AKR1B1: variants seen among roughly 807,000 people sequenced by gnomAD.
AKR1B1 encodes aldo-keto reductase family 1 member B, also known as aldo-keto reductase family 1 member B1.
AKR1B1 carries 22 observed loss-of-function variants against 40.4 expected under a neutral mutation model. The ratio of observed to expected loss-of-function variants is 0.54; its 90% confidence interval spans 0.39 to 0.78. The LOEUF (loss-of-function observed/expected upper bound fraction) is 0.78. Ranked by LOEUF, AKR1B1 falls within the 30% of genes least tolerant of loss-of-function variation. AKR1B1 has a pLI of 0.00. For missense variants in AKR1B1, 357 were observed against 396.7 expected (o/e 0.90, Z 0.85); for synonymous variants, 157 against 149.9 (o/e 1.05, Z -0.35).
At chr7:134,449,377 G>C (rs892333651) in intron 4 of AKR1B1, 8 of 572,374 alleles carry the variant, frequency 1.4e-5, no homozygotes, top group South Asian at 2.0e-5. Flanking sequence ...ACGAGGTCAG[G>C]AGATCAAGAC....
intron 6 of AKR1B1, 118 bp from the exon 7 acceptor site, chr7:134,448,179 A>T (rs1178628255): frequency 8.3e-6 from 8 of 967,820 alleles, no homozygotes; most frequent in Non-Finnish European, 1.1e-5. Context: ...TCCTCCTCAG[A>T]GCTGGGTTAA....
In AKR1B1 at chr7:134,459,052, C is replaced by T; in HGVS notation, c.11G>A (p.Arg4His). The T allele has an allele frequency of 6.2e-7, 1 of 1,605,984 alleles. No homozygotes were observed. The highest frequency in any genetic ancestry group is 8.5e-7 in the Non-Finnish European group (1 of 1,176,904). Residue 4 changes from arginine to histidine, a missense_variant, in exon 1 of 10, where the codon CGT becomes CAT. Physicochemically the swap from Arg to His is conservative, Grantham distance 29. Coordinates refer to ENST00000285930, the MANE Select transcript of AKR1B1 (RefSeq NM_001628.4). ...CTTGGCGCCGTTGTTGAGCAGGAGA[C>T]GGCTTGCCATGGCTGCTGCGCTCCC... MAS[R>H]LLLNNGAKMP...
chr7:134,450,738 G>A, intron 3 of AKR1B1, 48 bp downstream of exon 3: 1 of 1,444,244 alleles, frequency 6.9e-7, no homozygotes, highest in Non-Finnish European at 9.7e-7. Context: ...CACACCACAG[G>A]TTGCACCTGA....
chr7:134,445,008 C>G, intron 9 of AKR1B1: 1 of 614,804 alleles, frequency 1.6e-6, no homozygotes, highest in Non-Finnish European at 2.9e-6. Flanking sequence ...TCAGGCCAGG[C>G]CAACAATGCC....
At chr7:134,445,018 C>T (rs2117446477) in intron 9 of AKR1B1, 2 of 630,552 alleles carry the variant, frequency 3.2e-6, no homozygotes, top group Non-Finnish European at 2.9e-6. Flanking sequence ...CCAACAATGC[C>T]CCAGGGCTGG....
At chr7:134,448,569 C>G in intron 5 of AKR1B1, 76 bp from the exon 6 acceptor site, 3 of 1,109,828 alleles carry the variant, frequency 2.7e-6, no homozygotes, top group South Asian at 2.5e-5. Context: ...GCTTCCTATG[C>G]TAAAGTCCCT....
At chr7:134,444,632 C>T (rs112570377) in intron 9 of AKR1B1, 2,158 of 159,808 alleles carry the variant, frequency 0.014, 60 homozygotes, top group African/African-American at 0.049. Context: ...GAGTTACATG[C>T]GTCACCTAGT....
intron 9 of AKR1B1, among the ~76,000 whole-genome samples, chr7:134,443,423 AG>A (rs1805998898): frequency 6.6e-6 from 1 of 151,878 alleles, no homozygotes; most frequent in Non-Finnish European, 1.5e-5. Flanking sequence ...AAAAAAAAAA[AG>A]GGATGTTAAA....
Position 134,450,845 on chromosome 7 carries a change from T to C in AKR1B1, c.292A>G (p.Ser98Gly), listed in dbSNP as rs143736441. Residue 98 changes from serine (S) to glycine (G), a missense_variant, in exon 3 of 10, where the codon AGC (serine) becomes GGC (glycine). Coordinates refer to ENST00000285930, the MANE Select transcript of AKR1B1 (RefSeq NM_001628.4). ...LVKGACQKTL[S>G]DLKLDYLDLY... is the part of the protein sequence containing the mutation. ...TCCAGGTAGTCCAGCTTCAGGTCGC[T>C]GAGTGTCTTCTGGCAGGCTCCTTTC... 1.2e-6 allele frequency: 2 copies of C among 1,614,186 alleles called. No homozygotes were observed. Among genetic ancestry groups the C allele is most frequent in the African/African-American group, 2.7e-5 (2 of 75,056 alleles).
At chr7:134,455,942 A>G (rs1806456516) in intron 1 of AKR1B1, among the ~76,000 whole-genome samples, 1 of 152,196 alleles carries the variant, frequency 6.6e-6, no homozygotes, top group Admixed American at 6.5e-5. Flanking sequence ...TGGGGCAGAG[A>G]TGGTCTCCCC....
At chr7:134,451,084 G>A in intron 2 of AKR1B1, 182 bp from the exon 3 acceptor site, 1 of 679,228 alleles carries the variant, frequency 1.5e-6, no homozygotes, top group Non-Finnish European at 2.7e-6. Context: ...GGATGACCAG[G>A]TCACAGAGAC....
intron 9 of AKR1B1, chr7:134,444,765 G>A: frequency 4.5e-6 from 1 of 223,116 alleles, no homozygotes. Flanking sequence ...GGTGCCTGCT[G>A]CTCAGAGGGA....
chr7:134,445,711 C>T (rs564568090), intron 8 of AKR1B1, among the ~76,000 whole-genome samples: 17 of 152,314 alleles, frequency 1.1e-4, no homozygotes, highest in Admixed American at 1.0e-3. Context: ...TAATCACACA[C>T]TGTATAAGAC....
chr7:134,442,688 C>T lies in AKR1B1; in HGVS notation c.*40G>A. The T allele has an allele frequency of 1.2e-6, 2 of 1,607,156 alleles. No individual in the cohort carries two copies. Among genetic ancestry groups the T allele is most frequent in the Middle Eastern group, 1.7e-4 (1 of 6,044 alleles). On this transcript the variant is annotated 3_prime_UTR_variant, in exon 10 of 10. Coordinates refer to ENST00000285930, the MANE Select transcript of AKR1B1 (RefSeq NM_001628.4). Reference sequence around the variant, plus strand: ...AAGGAAAAAAATGAGGCAAGAAACACAGGTATAGGTCACTTGGGGACGAGC... The same window carrying T: ...AAGGAAAAAAATGAGGCAAGAAACATAGGTATAGGTCACTTGGGGACGAGC...
intron 1 of AKR1B1, among the ~76,000 whole-genome samples, chr7:134,458,397 C>A (rs761606140): frequency 6.6e-6 from 1 of 152,138 alleles, no homozygotes; most frequent in African/African-American, 2.4e-5. Context: ...CTCCGCACTG[C>A]GCCTTGTTAA....
At chr7:134,456,022 C>T (rs937163391) in intron 1 of AKR1B1, among the ~76,000 whole-genome samples, 1 of 152,156 alleles carries the variant, frequency 6.6e-6, no homozygotes, top group Admixed American at 6.5e-5. Context: ...ACTACCAGAG[C>T]CCTGCTGAGG....
Position 134,451,754 on chromosome 7 carries a change from C to G in AKR1B1, c.67-1G>C, listed in dbSNP as rs761314045. 6.2e-7 allele frequency: 1 copy of G among 1,614,012 alleles called. No homozygotes were observed. Among genetic ancestry groups the G allele is most frequent in the South Asian group, 1.1e-5 (1 of 91,056 alleles). On this transcript the variant is annotated splice_acceptor_variant, in intron 1 of 9. Coordinates refer to ENST00000285930, the MANE Select transcript of AKR1B1 (RefSeq NM_001628.4). LOFTEE classifies it high-confidence loss of function. ...CCTCAGTCACCTGCCCTGGAGGGGA[C>G]TGAAAGGAGAAAGAACGTGAGCCCC...
intron 1 of AKR1B1, among the ~76,000 whole-genome samples, chr7:134,453,402 G>A (rs996128210): frequency 6.6e-6 from 1 of 152,186 alleles, no homozygotes; most frequent in African/African-American, 2.4e-5. Flanking sequence ...CTGGGAGAAT[G>A]TCAGCCTGGA....
chr7:134,452,622 T>C (rs201974143), intron 1 of AKR1B1, among the ~76,000 whole-genome samples: 2 of 152,194 alleles, frequency 1.3e-5, no homozygotes, highest in East Asian at 3.9e-4. Flanking sequence ...CATGGACACG[T>C]ATCCCCCAAC....
Sources: gnomAD v4.1 joint callset for allele counts (sites outside exome capture counted in the v4.1 genomes callset) on GRCh38, gnomAD v4.1.1 for gene constraint, MANE v1.5 for transcripts, NCBI Gene and HGNC (gene_info 2026-07-23, HGNC 2026-07-21) for gene names.